Variants in INPP4B observed in about 807,000 individuals in gnomAD.
INPP4B encodes the protein inositol polyphosphate 4-phosphatase type II.
A neutral mutation model predicts 122.5 loss-of-function variants in INPP4B; 55 were observed. That is an observed-to-expected ratio of 0.45 (90% CI 0.36 to 0.56). The LOEUF is 0.56. Ranked by LOEUF, INPP4B falls within the 20% of genes least tolerant of loss-of-function variation. The pLI, the probability that INPP4B is intolerant of heterozygous loss-of-function variation, is 0.00. For synonymous variants in INPP4B, 403 were observed against 388.7 expected (o/e 1.04, Z -0.43); for missense variants, 1,000 against 1,097.7 (o/e 0.91, Z 1.26).
At chr4:142,639,828 C>T (rs1029950108) in intron 2 of INPP4B, among the ~76,000 whole-genome samples, 11 of 151,944 alleles carry the variant, frequency 7.2e-5, no homozygotes, top group Non-Finnish European at 1.2e-4. Context: ...TAAAAAGAGG[C>T]GGATCATTGC....
intron 2 of INPP4B, among the ~76,000 whole-genome samples, chr4:142,643,353 G>A (rs1750973221): frequency 6.6e-6 from 1 of 152,148 alleles, no homozygotes; most frequent in Admixed American, 6.6e-5. Context: ...AGAAAGTGCT[G>A]TATAAAGTGA....
intron 2 of INPP4B, among the ~76,000 whole-genome samples, chr4:142,655,357 G>A (rs1452727963): frequency 1.3e-5 from 2 of 152,076 alleles, no homozygotes; most frequent in African/African-American, 2.4e-5. Context: ...CATCTTCAGT[G>A]AGTCCTCTTT....
chr4:142,644,871 A>G (rs1751390137), intron 2 of INPP4B, among the ~76,000 whole-genome samples: 1 of 136,666 alleles, frequency 7.3e-6, no homozygotes, highest in Admixed American at 8.6e-5. Context: ...AGGCCACTGC[A>G]CTCCAGCCTG....
At chr4:142,124,453 A>G (rs1216723055) in intron 19 of INPP4B, 135 bp downstream of exon 19, 3 of 731,366 alleles carry the variant, frequency 4.1e-6, no homozygotes, top group African/African-American at 1.8e-5. Context: ...ATCGTGAATA[A>G]GAAACATGGG....
chr4:142,144,219 A>G (rs1267694135), intron 18 of INPP4B, among the ~76,000 whole-genome samples: 1 of 84,010 alleles, frequency 1.2e-5, no homozygotes, highest in Non-Finnish European at 2.3e-5. Flanking sequence ...ATGAAATACA[A>G]GATACACACA....
Position 142,675,453 on chromosome 4 carries a change from T to A in INPP4B, c.-191+50386A>T, listed in dbSNP as rs537994704. Among the ~76,000 whole-genome samples the A allele has an allele frequency of 5.9e-5, 9 of 152,304 alleles. No individual in the cohort carries two copies. The East Asian group carries it at 1.7e-3, about 29-fold the overall frequency. The stretch of plus-strand genomic sequence containing the variant: ...GAGCTGGTACCATTCCTTCTGAAAC[T>A]ATTCCAAACAACAGAAAAAGAGGGA... On this transcript the variant is annotated intron_variant, in intron 2 of 25. Coordinates refer to ENST00000262992, the MANE Select transcript of INPP4B (RefSeq NM_001101669.3).
chr4:142,652,315 C>G (rs1384398288), intron 2 of INPP4B, among the ~76,000 whole-genome samples: 1 of 152,164 alleles, frequency 6.6e-6, no homozygotes, highest in Non-Finnish European at 1.5e-5. Context: ...CAGCACAAGA[C>G]AAGAATGCCC....
chr4:142,531,271 T>TA (rs35095255), intron 2 of INPP4B, among the ~76,000 whole-genome samples: 51,056 of 149,246 alleles, frequency 0.34, 9,451 homozygotes, highest in East Asian at 0.8. Context: ...AAGAGATGAT[T>TA]AAAAAAAAAG....
chr4:142,651,013 C>G (rs572338082), intron 2 of INPP4B, among the ~76,000 whole-genome samples: 5 of 152,248 alleles, frequency 3.3e-5, no homozygotes, highest in African/African-American at 9.6e-5. Flanking sequence ...GAAATCACAA[C>G]AAACAGTCTC....
chr4:142,439,196 G>T (rs927222523), intron 3 of INPP4B, among the ~76,000 whole-genome samples: 37 of 152,114 alleles, frequency 2.4e-4, no homozygotes, highest in African/African-American at 8.5e-4. Context: ...CCTGTTGCGG[G>T]ATTTTGCTAA....
chr4:142,104,086 T>C (rs1785814422), intron 23 of INPP4B, among the ~76,000 whole-genome samples: 1 of 152,150 alleles, frequency 6.6e-6, no homozygotes, highest in Admixed American at 6.6e-5. Context: ...TAGAGCCGTA[T>C]GACAATATCC....
intron 3 of INPP4B, among the ~76,000 whole-genome samples, chr4:142,445,665 T>A (rs2149472683): frequency 6.6e-6 from 1 of 152,284 alleles, no homozygotes; most frequent in Middle Eastern, 3.4e-3. Context: ...TATAAAATAC[T>A]TAGACAACAC....
chr4:142,489,787 G>A (rs1821641182), intron 2 of INPP4B, among the ~76,000 whole-genome samples: 2 of 152,070 alleles, frequency 1.3e-5, no homozygotes, highest in Admixed American at 1.3e-4. Context: ...TCTTTCTTTG[G>A]TTGTGCCAAT....
intron 3 of INPP4B, among the ~76,000 whole-genome samples, chr4:142,432,728 T>C (rs1809599867): frequency 6.6e-6 from 1 of 152,144 alleles, no homozygotes; most frequent in African/African-American, 2.4e-5. Flanking sequence ...ATGTGTGACT[T>C]GGACATGAGG....
chr4:142,581,825 C>T (rs1735150406), intron 2 of INPP4B, among the ~76,000 whole-genome samples: 1 of 151,720 alleles, frequency 6.6e-6, no homozygotes, highest in African/African-American at 2.4e-5. Flanking sequence ...ACTCCTATAC[C>T]ATCTGATCCT....
chr4:142,563,452 G>A (rs1200991195), intron 2 of INPP4B, among the ~76,000 whole-genome samples: 1 of 152,146 alleles, frequency 6.6e-6, no homozygotes, highest in African/African-American at 2.4e-5. Flanking sequence ...TAACAGAATG[G>A]TTTGAAGATT....
chr4:142,084,948 T>G (rs570682491), intron 24 of INPP4B, among the ~76,000 whole-genome samples: 1 of 152,182 alleles, frequency 6.6e-6, no homozygotes, highest in African/African-American at 2.4e-5. Context: ...TGACCTACCA[T>G]TGTGAAATTT....
rs1244720058 is a variant in INPP4B, at chr4:142,586,367, A to C, written c.-190-123641T>G. On this transcript the variant is annotated intron_variant, in intron 2 of 25. Transcript: ENST00000262992. The stretch of plus-strand genomic sequence containing the variant: ...AACAACGACAACAACAACAAAATAG[A>C]ATCCCTAAGTCTCCTTGTGTACAAC... 3.3e-5 allele frequency among the ~76,000 whole-genome samples: 5 copies of C among 152,086 alleles called. 1 individual carries two copies. The highest frequency in any genetic ancestry group is 7.4e-5 in the Non-Finnish European group (5 of 68,012).
At chr4:142,451,998 C>T (rs1814365709) in intron 3 of INPP4B, among the ~76,000 whole-genome samples, 2 of 152,220 alleles carry the variant, frequency 1.3e-5, no homozygotes, top group South Asian at 2.1e-4. Context: ...TGGTTTGCTG[C>T]ACCCATCAAC....
Sources: allele counts gnomAD v4.1 joint callset (sites outside exome capture counted in the v4.1 genomes callset), GRCh38; gene constraint gnomAD v4.1.1; transcripts MANE v1.5; gene names NCBI Gene and HGNC (gene_info 2026-07-23, HGNC 2026-07-21).